Variants in RB1 observed in about 807,000 individuals in gnomAD.
RB1 encodes the protein RB transcriptional corepressor 1.
RB1 carries 18 observed loss-of-function variants against 135.4 expected under a neutral mutation model. The ratio of observed to expected loss-of-function variants is 0.13; its 90% CI spans 0.09 to 0.20. The LOEUF is 0.20. RB1 is among the 10% of genes least tolerant of loss of function. The probability of loss-of-function intolerance (pLI) is 1.00; values close to 1 mark genes in which losing one functional copy is unlikely to be tolerated. For missense variants in RB1, 868 were observed against 1,110.0 expected (o/e 0.78, Z 3.10); for synonymous variants, 365 against 373.2 (o/e 0.98, Z 0.25).
rs774949435 is a variant in RB1 at position 48,333,016 on chromosome 13, G to A, written c.265-9583G>A. The A allele has an allele frequency of 2.0e-4, 81 of 398,238 alleles. No homozygotes were observed. The highest frequency in any genetic ancestry group is 3.4e-4 in the Non-Finnish European group (76 of 225,900). 24.7% of individuals were successfully genotyped at this position (398,238 alleles called of 1,614,324 possible). A position where few individuals can be genotyped will look rare whatever the true frequency, so the allele number is the denominator to read the frequency against. On this transcript the variant is annotated intron_variant, in intron 2 of 26. Coordinates refer to ENST00000267163, the MANE Select transcript of RB1 (RefSeq NM_000321.3). ...AATGTAGTCTGTTTCTCTCAAAATA[G>A]GTACTCCGCTCACCTGTTTTCAAAC...
chr13:48,423,400 G>C (rs573738613), intron 17 of RB1, among the ~76,000 whole-genome samples: 1 of 152,122 alleles, frequency 6.6e-6, no homozygotes, highest in Non-Finnish European at 1.5e-5. Flanking sequence ...AATAGATCAA[G>C]GAGTCACCTT....
At chr13:48,362,131 A>G (rs4151486) in intron 7 of RB1, among the ~76,000 whole-genome samples, 1 of 151,908 alleles carries the variant, frequency 6.6e-6, no homozygotes, top group East Asian at 1.9e-4. Context: ...TATTTTTAGT[A>G]GAGACGGGGT....
chr13:48,318,149 C>G, intron 2 of RB1: 1 of 517,388 alleles, frequency 1.9e-6, no homozygotes, highest in Middle Eastern at 3.8e-4. Context: ...CGCCCTCCTG[C>G]TTCGTCTTCT....
intron 17 of RB1, among the ~76,000 whole-genome samples, chr13:48,449,949 C>T (rs920220665): frequency 6.6e-6 from 1 of 152,010 alleles, no homozygotes; most frequent in African/African-American, 2.4e-5. Flanking sequence ...TATCCTTTGC[C>T]CACTTTTGAA....
chr13:48,317,053 C>T (rs56981448), intron 2 of RB1: 3 of 701,194 alleles, frequency 4.3e-6, no homozygotes, highest in East Asian at 4.8e-5. Context: ...AAACTCCGCC[C>T]TGTCTGTGCC....
At chr13:48,385,831 G>A (rs562116170) in intron 17 of RB1, among the ~76,000 whole-genome samples, 2 of 152,218 alleles carry the variant, frequency 1.3e-5, no homozygotes, top group East Asian at 1.9e-4. Flanking sequence ...TCTTCACAAT[G>A]TAACATTTAT....
intron 26 of RB1, 58 bp downstream of exon 26, chr13:48,477,462 GT>G: frequency 7.4e-7 from 1 of 1,356,374 alleles, no homozygotes; most frequent in East Asian, 2.3e-5. Flanking sequence ...ACTGCAAGAA[GT>G]CTTTTCGTTA....
chr13:48,460,457 T>TA (rs966924691), intron 20 of RB1, among the ~76,000 whole-genome samples: 21 of 151,986 alleles, frequency 1.4e-4, no homozygotes, highest in South Asian at 8.3e-4. Context: ...ATCTTACCTG[T>TA]AAAAAAAATA....
At chr13:48,389,282 G>A (rs1376583820) in intron 17 of RB1, among the ~76,000 whole-genome samples, 1 of 152,094 alleles carries the variant, frequency 6.6e-6, no homozygotes, top group Non-Finnish European at 1.5e-5. Context: ...GAGCTGAAAA[G>A]TTTTAGCAAC....
intron 22 of RB1, 23 bp downstream of exon 22, chr13:48,465,134 T>C (rs762136581): frequency 1.2e-5 from 19 of 1,613,470 alleles, no homozygotes; most frequent in South Asian, 7.7e-5. Context: ...TATCCTTTGA[T>C]TGGAAAAATC....
chr13:48,323,281 A>G (rs1053963363), intron 2 of RB1, among the ~76,000 whole-genome samples: 2 of 152,086 alleles, frequency 1.3e-5, no homozygotes, highest in East Asian at 1.9e-4. Context: ...TGTCTACCTC[A>G]TCTAAGTTAC....
At chr13:48,354,408 A>C (rs1952573276) in intron 6 of RB1, among the ~76,000 whole-genome samples, 1 of 152,214 alleles carries the variant, frequency 6.6e-6, no homozygotes, top group Admixed American at 6.5e-5. Flanking sequence ...AAACCATAGA[A>C]TACTGATGAA....
intron 3 of RB1, among the ~76,000 whole-genome samples, chr13:48,343,422 C>A (rs988233258): frequency 6.6e-6 from 1 of 151,990 alleles, no homozygotes; most frequent in South Asian, 2.1e-4. Flanking sequence ...TTTATTTAAA[C>A]GAGATAGATT....
chr13:48,383,450 A>G (rs1948551883), intron 17 of RB1, among the ~76,000 whole-genome samples: 1 of 152,124 alleles, frequency 6.6e-6, no homozygotes, highest in Non-Finnish European at 1.5e-5. Flanking sequence ...TGCTAAGTAT[A>G]TATCTTTTAA....
At chr13:48,324,032 C>G (rs999677324) in intron 2 of RB1, among the ~76,000 whole-genome samples, 1 of 151,784 alleles carries the variant, frequency 6.6e-6, no homozygotes, top group African/African-American at 2.4e-5. Flanking sequence ...CTCTGTTGCT[C>G]TCCTTTTTTA....
At chr13:48,380,350 C>A in intron 16 of RB1, 109 bp downstream of exon 16, 1 of 826,166 alleles carries the variant, frequency 1.2e-6, no homozygotes, top group Middle Eastern at 3.5e-4. Context: ...AGAAGGAATG[C>A]TTATTTTAGA....
intron 3 of RB1, 56 bp downstream of exon 3, chr13:48,342,770 T>C: frequency 6.5e-6 from 8 of 1,232,718 alleles, no homozygotes; most frequent in Non-Finnish European, 8.3e-6. Context: ...GAATTCTGGA[T>C]TTTCCTCTCA....
At chr13:48,435,415 GT>G (rs1385967997) in intron 17 of RB1, among the ~76,000 whole-genome samples, 1 of 151,998 alleles carries the variant, frequency 6.6e-6, no homozygotes, top group Non-Finnish European at 1.5e-5. Flanking sequence ...TGATTGGATT[GT>G]TTGTTTTTTA....
chr13:48,345,538 A>G (rs967410352), intron 4 of RB1, among the ~76,000 whole-genome samples: 14 of 152,150 alleles, frequency 9.2e-5, no homozygotes, highest in African/African-American at 3.4e-4. Flanking sequence ...TAATAGTGTT[A>G]TTTAGTTTGG....
Sources: allele counts gnomAD v4.1 joint callset (sites outside exome capture counted in the v4.1 genomes callset), GRCh38; gene constraint gnomAD v4.1.1; transcripts MANE v1.5; gene names NCBI Gene and HGNC (gene_info 2026-07-23, HGNC 2026-07-21).